The following UST variants were observed in gnomAD, a reference collection of about 807,000 sequenced individuals.
The protein encoded by UST is uronyl 2-sulfotransferase, also known as chondroitin sulfate 2-O-sulfotransferase.
A neutral mutation model predicts 45.6 loss-of-function variants in UST; 21 were observed. That is an observed-to-expected ratio of 0.46 (90% confidence interval 0.33 to 0.66). UST has a LOEUF of 0.66. Among genes scored for constraint, UST ranks in the 30% least tolerant of loss-of-function variants. UST has a pLI of 0.02. For synonymous variants in UST, 215 were observed against 200.6 expected (o/e 1.07, Z -0.61); for missense variants, 463 against 512.4 (o/e 0.90, Z 0.93).
Position 148,747,537 on chromosome 6 carries a change from C to A in UST, c.107C>A (p.Pro36His). 6.4e-7 allele frequency: 1 copy of A among 1,555,378 alleles called. No individual in the cohort carries two copies. The highest frequency in any genetic ancestry group is 8.7e-7 in the Non-Finnish European group (1 of 1,152,298). ...CTGGGCAGCTGGAAGCGTCGGGTGCCCCTGCTGCCTTTCCTGCGCTTCTCC... is the reference window on the plus strand; with the variant it reads ...CTGGGCAGCTGGAAGCGTCGGGTGCACCTGCTGCCTTTCCTGCGCTTCTCC... The part of the protein sequence containing the change: ...PGLGSWKRRV[P>H]LLPFLRFSLR... Residue 36 changes from proline (P) to histidine (H), a missense_variant, in exon 1 of 8, where the codon CCC (proline) becomes CAC (histidine). By Grantham distance (77) the Pro-to-His change is moderately conservative. Coordinates refer to ENST00000367463, the MANE Select transcript of UST (RefSeq NM_005715.3).
At chr6:149,063,604 T>C (rs1278057551) in intron 7 of UST, among the ~76,000 whole-genome samples, 1 of 152,174 alleles carries the variant, frequency 6.6e-6, no homozygotes, top group African/African-American at 2.4e-5. Flanking sequence ...TTTGTGGGTC[T>C]CCTAGGAATT....
chr6:148,909,076 C>A lies in UST; in HGVS notation c.291+22047C>A, dbSNP rs952921694. Among the ~76,000 whole-genome samples the A allele has an allele frequency of 8.5e-5, 13 of 152,234 alleles. No homozygotes were observed. The East Asian group carries it at 2.5e-3, about 29-fold the overall frequency. On this transcript the variant is annotated intron_variant, in intron 2 of 7. Transcript: ENST00000367463. ...ATTAAGGATTACAAGGATGTGTTTTCATATATTGTTTTGTATTATGCTACA... is the reference window on the plus strand; with the variant it reads ...ATTAAGGATTACAAGGATGTGTTTTAATATATTGTTTTGTATTATGCTACA...
chr6:149,064,915 G>A (rs888831577), intron 7 of UST, among the ~76,000 whole-genome samples: 1 of 151,774 alleles, frequency 6.6e-6, no homozygotes, highest in Non-Finnish European at 1.5e-5. Flanking sequence ...AATACCCCAC[G>A]GGCCAAACAA....
At chr6:148,956,679 G>A (rs1780515912) in intron 4 of UST, among the ~76,000 whole-genome samples, 1 of 152,198 alleles carries the variant, frequency 6.6e-6, no homozygotes, top group South Asian at 2.1e-4. Context: ...GGTTTCTATG[G>A]AAACACCTTG....
intron 1 of UST, among the ~76,000 whole-genome samples, chr6:148,792,257 A>G (rs1230806460): frequency 2.0e-5 from 3 of 152,218 alleles, no homozygotes; most frequent in Admixed American, 2.0e-4. Flanking sequence ...TATGCTTGGC[A>G]CCGTGCAGAC....
At chr6:149,000,962 G>A (rs1320721084) in intron 5 of UST, among the ~76,000 whole-genome samples, 6 of 151,938 alleles carry the variant, frequency 3.9e-5, no homozygotes, top group Admixed American at 2.6e-4. Context: ...ATATTGTAAA[G>A]TTTCAACAGG....
chr6:148,897,163 T>C (rs1041504244), intron 2 of UST, among the ~76,000 whole-genome samples: 2 of 146,636 alleles, frequency 1.4e-5, no homozygotes, highest in African/African-American at 4.9e-5. Flanking sequence ...ATTTTACTTT[T>C]AAAATTTTTT....
intron 5 of UST, among the ~76,000 whole-genome samples, chr6:149,002,345 C>G (rs1468150276): frequency 6.6e-6 from 1 of 151,842 alleles, no homozygotes; most frequent in African/African-American, 2.4e-5. Flanking sequence ...TTTAATCTCA[C>G]TAAAAGTAAA....
rs1488234955 is a variant in UST at position 148,934,982 on chromosome 6, C to T, written c.292-6297C>T. Among the ~76,000 whole-genome samples, 2 of 152,106 alleles carry T rather than the reference C, an allele frequency of 1.3e-5. No individual in the cohort carries two copies. Among genetic ancestry groups the T allele is most frequent in the African/African-American group, 4.8e-5 (2 of 41,450 alleles). On this transcript the variant is annotated intron_variant, in intron 2 of 7. Transcript: ENST00000367463. The surrounding 1 kb of genome is among the most constrained non-coding windows in gnomAD (Gnocchi z 4.1). ...AACATTACCAATCCCCAGAAGAGCT[C>T]TATAGACTCTGGGTCTCATAGACTA...
intron 1 of UST, among the ~76,000 whole-genome samples, chr6:148,879,582 C>A (rs902614996): frequency 3.9e-5 from 6 of 152,098 alleles, no homozygotes; most frequent in Non-Finnish European, 7.3e-5. Context: ...TAAAAGCAGG[C>A]GAGTAGAATG....
intron 1 of UST, among the ~76,000 whole-genome samples, chr6:148,764,497 CA>C (rs1454249766): frequency 6.6e-6 from 1 of 152,054 alleles, no homozygotes; most frequent in Non-Finnish European, 1.5e-5. Context: ...CTCTTGCTAT[CA>C]GGGGAACCCA....
intron 1 of UST, among the ~76,000 whole-genome samples, chr6:148,841,093 C>G (rs953282407): frequency 3.4e-5 from 5 of 146,466 alleles, no homozygotes; most frequent in Admixed American, 3.4e-4. Context: ...TACAATGACT[C>G]TTATTGATAT....
chr6:148,841,115 A>T (rs1320555661), intron 1 of UST, among the ~76,000 whole-genome samples: 1 of 150,476 alleles, frequency 6.6e-6, no homozygotes, highest in Non-Finnish European at 1.5e-5. Context: ...TTGATAGATT[A>T]AAAAAAAAGA....
At chr6:148,907,792 C>T (rs2114873568) in intron 2 of UST, among the ~76,000 whole-genome samples, 1 of 152,122 alleles carries the variant, frequency 6.6e-6, no homozygotes, top group African/African-American at 2.4e-5. Flanking sequence ...ATTTAAATTC[C>T]CCAGTGTGGC....
At chr6:148,956,397 G>A (rs2114945060) in intron 4 of UST, among the ~76,000 whole-genome samples, 1 of 152,198 alleles carries the variant, frequency 6.6e-6, no homozygotes, top group East Asian at 1.9e-4. Context: ...TGAGGAAGAT[G>A]CAAAAGCGGA....
intron 1 of UST, among the ~76,000 whole-genome samples, chr6:148,854,320 G>A (rs1778161762): frequency 6.6e-6 from 1 of 152,230 alleles, no homozygotes; most frequent in Admixed American, 6.5e-5. Context: ...TTCTGAATGT[G>A]TGGCTGTGTT....
intron 1 of UST, among the ~76,000 whole-genome samples, chr6:148,855,514 C>A (rs189219400): frequency 2.0e-4 from 30 of 152,294 alleles, no homozygotes; most frequent in African/African-American, 7.0e-4. Context: ...CTGGGAAGGT[C>A]ACTGTTCCCA....
rs966589887 is a variant in UST at position 148,775,032 on chromosome 6, AAAG to A, written c.247+27357_247+27359del. ...TGAGACTTCATCTCAAAGAAAAAAA[AAAG>A]AGTGCATGAAAGAAAAGCTTGTTAA... On this transcript the variant is annotated intron_variant, in intron 1 of 7. Coordinates refer to ENST00000367463, the MANE Select transcript of UST (RefSeq NM_005715.3). Among the ~76,000 whole-genome samples the A allele has an allele frequency of 6.6e-5, 10 of 152,140 alleles. 1 individual carries two copies. The highest frequency in any genetic ancestry group is 2.2e-4 in the African/African-American group (9 of 41,406).
At chr6:148,795,111 T>C (rs1158906134) in intron 1 of UST, among the ~76,000 whole-genome samples, 2 of 152,272 alleles carry the variant, frequency 1.3e-5, no homozygotes, top group Non-Finnish European at 2.9e-5. Flanking sequence ...AGCCTTTCTG[T>C]AATTTTCTGT....
Sources: gnomAD v4.1 joint callset for allele counts (sites outside exome capture counted in the v4.1 genomes callset) on GRCh38, gnomAD v4.1.1 for gene constraint, Gnocchi (gnomAD v3.1) non-coding constraint, MANE v1.5 for transcripts, NCBI Gene and HGNC (gene_info 2026-07-23, HGNC 2026-07-21) for gene names.